The following DMD variants were observed in gnomAD, a reference collection of about 807,000 sequenced individuals.
DMD encodes dystrophin, also known as mutant dystrophin.
A neutral mutation model predicts 330.1 loss-of-function variants in DMD; 63 were observed. That is an observed-to-expected ratio of 0.19 (90% confidence interval 0.16 to 0.24). The LOEUF is 0.24. DMD is among the 10% of genes least tolerant of loss of function. The pLI, the probability that DMD is intolerant of heterozygous loss-of-function variation, is 1.00. For missense variants in DMD, 3,344 were observed against 2,684.1 expected, an observed-to-expected ratio of 1.25 and a Z score of -5.43; for synonymous variants, 1,223 against 959.8, an observed-to-expected ratio of 1.27 and a Z score of -5.07.
At chrX:32,608,329 C>A (rs2056900147) in intron 12 of DMD, among the ~76,000 whole-genome samples, 2 of 110,427 alleles carry the variant, frequency 1.8e-5, no homozygotes, top group East Asian at 2.8e-4. Context: ...AACTGAATAT[C>A]ATGCACATAC....
chrX:32,686,559 C>CAAAAAAAAAAAAAAAAAAAAAAAAAA (rs750534167), intron 9 of DMD, among the ~76,000 whole-genome samples: 4 of 28,581 alleles, frequency 1.4e-4, no homozygotes, highest in African/African-American at 5.4e-4. Flanking sequence ...AACTCCATCT[C>CAAAAAAAAAAAAAAAAAAAAAAAAAA]AAAAAAAAAA....
intron 16 of DMD, among the ~76,000 whole-genome samples, chrX:32,548,225 C>A (rs2049168750): frequency 9.0e-6 from 1 of 111,190 alleles, no homozygotes; most frequent in Admixed American, 9.6e-5. Flanking sequence ...ATTTAGGAAC[C>A]TTACGGCAAA....
In DMD at chrX:33,281,210, A is replaced by ATTTTT. The variant is rs139177044; in HGVS notation, c.7+58044_7+58048dup. On this transcript the variant is annotated intron_variant, in intron 1 of 17. Coordinates refer to the DMD transcript ENST00000288447. ...TTGCAGAAATCATAAATGCTATTGC[A>ATTTTT]TTTTTTTTTTTTTTTTGAGACGGAG... Among the ~76,000 whole-genome samples the ATTTTT allele has an allele frequency of 5.0e-4, 46 of 92,072 alleles. 2 individuals are homozygous for ATTTTT. The highest frequency in any genetic ancestry group is 1.7e-3 in the African/African-American group (42 of 24,843). 80.0% of individuals were successfully genotyped at this position (92,072 alleles called of 115,157 possible).
intron 50 of DMD, among the ~76,000 whole-genome samples, chrX:31,816,234 GT>G (rs1232141115): frequency 9.0e-6 from 1 of 110,974 alleles, no homozygotes; most frequent in African/African-American, 3.3e-5. Flanking sequence ...TTTTTTTCCA[GT>G]ATGTTGATTT....
intron 55 of DMD, among the ~76,000 whole-genome samples, chrX:31,577,275 GT>G (rs2076150167): frequency 8.9e-6 from 1 of 112,541 alleles, no homozygotes; most frequent in East Asian, 2.8e-4. Flanking sequence ...ATTAATACTT[GT>G]TTTTTGTAAA....
intron 29 of DMD, among the ~76,000 whole-genome samples, chrX:32,414,194 C>T (rs2098157022): frequency 9.0e-6 from 1 of 111,508 alleles, no homozygotes. Context: ...GGCATAATCT[C>T]AATTCTGACT....
intron 2 of DMD, among the ~76,000 whole-genome samples, chrX:33,010,073 AAT>A (rs1386085223): frequency 1.9e-5 from 1 of 53,686 alleles, no homozygotes; most frequent in Non-Finnish European, 3.1e-5. Context: ...TATATACACA[AAT>A]GTGCACATGT....
chrX:32,506,949 C>G (rs995748254), intron 18 of DMD, among the ~76,000 whole-genome samples: 5 of 111,590 alleles, frequency 4.5e-5, no homozygotes, highest in African/African-American at 1.6e-4. Flanking sequence ...TCCAATATTT[C>G]TATTTTCTCA....
chrX:32,754,232 T>C (rs1407504745), intron 7 of DMD, among the ~76,000 whole-genome samples: 1 of 111,215 alleles, frequency 9.0e-6, no homozygotes, highest in Non-Finnish European at 1.9e-5. Flanking sequence ...CAAAACAATC[T>C]TATCAGATGG....
chrX:31,628,083 C>G (rs2078944426), intron 54 of DMD, among the ~76,000 whole-genome samples: 1 of 110,929 alleles, frequency 9.0e-6, no homozygotes, highest in Non-Finnish European at 1.9e-5. Context: ...GGAAGGCATG[C>G]AAGAATGACA....
chrX:32,785,767 T>C (rs772091592), intron 7 of DMD, among the ~76,000 whole-genome samples: 8 of 111,373 alleles, frequency 7.2e-5, no homozygotes, highest in Non-Finnish European at 1.5e-4. Flanking sequence ...CGAGATATAA[T>C]AGAGAGAAAA....
At chrX:31,893,712 A>G (rs1443087125) in intron 47 of DMD, among the ~76,000 whole-genome samples, 1 of 110,236 alleles carries the variant, frequency 9.1e-6, no homozygotes, top group Non-Finnish European at 1.9e-5. Context: ...GTGGCGAAAA[A>G]GGGAAGTGAG....
intron 55 of DMD, among the ~76,000 whole-genome samples, chrX:31,512,948 T>G (rs1335385729): frequency 9.3e-6 from 1 of 108,054 alleles, no homozygotes; most frequent in Non-Finnish European, 1.9e-5. Flanking sequence ...TTCACAATAT[T>G]GATTCTTCCT....
At chrX:33,005,548 A>G (rs1464978446) in intron 2 of DMD, among the ~76,000 whole-genome samples, 1 of 108,302 alleles carries the variant, frequency 9.2e-6, no homozygotes, top group Admixed American at 1.0e-4. Flanking sequence ...GAATTATGGG[A>G]AAATTATAAT....
chrX:32,949,249 CAT>C (rs1342801475), intron 2 of DMD, among the ~76,000 whole-genome samples: 3 of 55,138 alleles, frequency 5.4e-5, no homozygotes, highest in Admixed American at 1.9e-4. Context: ...TAAATCGTTA[CAT>C]ACACACACAC....
intron 60 of DMD, among the ~76,000 whole-genome samples, chrX:31,370,850 A>G (rs2059524860): frequency 8.9e-6 from 1 of 112,370 alleles, no homozygotes; most frequent in Non-Finnish European, 1.9e-5. Context: ...CTCACGATAA[A>G]AAGGAAACAA....
At chrX:31,245,505 C>T (rs1013289242) in intron 63 of DMD, among the ~76,000 whole-genome samples, 1 of 111,902 alleles carries the variant, frequency 8.9e-6, no homozygotes, top group African/African-American at 3.3e-5. Flanking sequence ...TTAAATTGCA[C>T]TTTGCTGTAT....
intron 1 of DMD, among the ~76,000 whole-genome samples, chrX:33,321,002 C>T (rs6631782): frequency 0.09 from 10,083 of 111,438 alleles, 539 homozygotes; most frequent in East Asian, 0.35. Flanking sequence ...CTCCACTTCT[C>T]ATTTTAATTC....
rs769758537 is a variant in DMD at position 33,137,330 on chromosome X, A to G, written c.31+73952T>C. ...CACATCATCAGAAGCACTTAAGCAT[A>G]AATGTTCTCTTTTTATAGTGGTGGG... On this transcript the variant is annotated intron_variant, in intron 1 of 78. Coordinates refer to ENST00000357033, the MANE Select transcript of DMD (RefSeq NM_004006.3). 2.7e-5 allele frequency among the ~76,000 whole-genome samples: 3 copies of G among 111,883 alleles called. No homozygotes were observed. The East Asian group carries it at 8.5e-4, about 32-fold the overall frequency.
Sources: gnomAD v4.1 joint callset for allele counts (sites outside exome capture counted in the v4.1 genomes callset) on GRCh38, gnomAD v4.1.1 for gene constraint, MANE v1.5 for transcripts, NCBI Gene and HGNC (gene_info 2026-07-23, HGNC 2026-07-21) for gene names.